BICD1: variants seen among roughly 807,000 people sequenced by gnomAD.
The protein encoded by BICD1 is protein bicaudal D homolog 1.
BICD1 carries 35 observed loss-of-function variants against 92.5 expected under a neutral mutation model. That is an observed-to-expected ratio of 0.38 (90% CI 0.29 to 0.50). BICD1 has a LOEUF of 0.50. BICD1 is among the 20% of genes least tolerant of loss of function. The probability of loss-of-function intolerance (pLI) is 0.93; values close to 1 mark genes in which losing one functional copy is unlikely to be tolerated. For synonymous variants in BICD1, 429 were observed against 465.1 expected, an observed-to-expected ratio of 0.92 and a Z score of 1.00; for missense variants, 950 against 1,189.8, an observed-to-expected ratio of 0.80 and a Z score of 2.97.
At chr12:32,117,819 C>T (rs1207347805) in intron 1 of BICD1, among the ~76,000 whole-genome samples, 7 of 148,550 alleles carry the variant, frequency 4.7e-5, no homozygotes, top group Admixed American at 4.1e-4. Context: ...GGCATGATCT[C>T]AGCTCACCGC....
chr12:32,341,595 T>C (rs535142772), intron 8 of BICD1, among the ~76,000 whole-genome samples: 2 of 152,208 alleles, frequency 1.3e-5, no homozygotes, highest in African/African-American at 4.8e-5. Context: ...AAAGTTAAAA[T>C]AATAAAAGAG....
chr12:32,216,264 C>T lies in BICD1; in HGVS notation c.231C>T (p.Phe77=). The T allele has an allele frequency of 1.2e-6, 2 of 1,613,750 alleles. No homozygotes were observed. Among genetic ancestry groups the T allele is most frequent in the Non-Finnish European group, 1.7e-6 (2 of 1,179,950 alleles). ...EQLKEAFGQS[F]SIHRKVAEDG... is the part of the protein sequence containing the mutation. ...CTCTGCAGGCATTTGGGCAGTCCTTCTCCATCCACCGGAAGGTTGCTGAAG... is the reference window on the plus strand; with the variant it reads ...CTCTGCAGGCATTTGGGCAGTCCTTTTCCATCCACCGGAAGGTTGCTGAAG... Residue 77 remains phenylalanine (F), a synonymous_variant, in exon 2 of 10, where the codon TTC becomes TTT. Coordinates refer to ENST00000652176, the MANE Select transcript of BICD1 (RefSeq NM_001714.4).
intron 3 of BICD1, among the ~76,000 whole-genome samples, chr12:32,298,814 G>C (rs1473262425): frequency 7.0e-6 from 1 of 141,936 alleles, no homozygotes; most frequent in Admixed American, 7.2e-5. Context: ...AGATTGCAGT[G>C]AGCCGAGATC....
chr12:32,357,389 C>G (rs73303933), intron 8 of BICD1, among the ~76,000 whole-genome samples: 2 of 152,164 alleles, frequency 1.3e-5, no homozygotes, highest in African/African-American at 4.8e-5. Context: ...TGAATTAAAA[C>G]TTTTTAATTC....
At chr12:32,296,350 T>C (rs1009752154) in intron 3 of BICD1, among the ~76,000 whole-genome samples, 23 of 144,852 alleles carry the variant, frequency 1.6e-4, no homozygotes, top group African/African-American at 5.9e-4. Flanking sequence ...CTCTGCCTCC[T>C]GGGTTCAAGC....
intron 1 of BICD1, among the ~76,000 whole-genome samples, chr12:32,142,453 C>CCTATCTATCTATCCTATCTAT (rs772125865): frequency 0.12 from 13,789 of 112,794 alleles, 825 homozygotes; most frequent in Middle Eastern, 0.17. Context: ...ACCTATCTAT[C>CCTATCTATCTATCCTATCTAT]CTATCTATCT....
intron 2 of BICD1, among the ~76,000 whole-genome samples, chr12:32,263,834 G>C (rs910062379): frequency 3.3e-5 from 5 of 152,164 alleles, no homozygotes; most frequent in African/African-American, 1.2e-4. Context: ...GCGAGGGATT[G>C]TTCTACACGT....
intron 2 of BICD1, among the ~76,000 whole-genome samples, chr12:32,226,211 T>C (rs1335588828): frequency 1.3e-5 from 2 of 152,186 alleles, no homozygotes; most frequent in Non-Finnish European, 2.9e-5. Context: ...CTCGGCTCAC[T>C]GCAGCCTCCA....
At chr12:32,310,895 A>C (rs561552682) in intron 4 of BICD1, among the ~76,000 whole-genome samples, 2 of 152,346 alleles carry the variant, frequency 1.3e-5, no homozygotes, top group African/African-American at 4.8e-5. Context: ...CTTTGAAAAC[A>C]GTATACCTAG....
chr12:32,276,988 C>T (rs762910758), intron 2 of BICD1, among the ~76,000 whole-genome samples: 1 of 152,120 alleles, frequency 6.6e-6, no homozygotes, highest in African/African-American at 2.4e-5. Flanking sequence ...CAACTCTGGA[C>T]GTCCCCCCCT....
intron 8 of BICD1, among the ~76,000 whole-genome samples, chr12:32,344,446 G>T (rs532639069): frequency 6.6e-6 from 1 of 152,272 alleles, no homozygotes; most frequent in South Asian, 2.1e-4. Context: ...AATAGGATCA[G>T]ATTTTCATTT....
intron 1 of BICD1, among the ~76,000 whole-genome samples, chr12:32,130,364 C>T (rs556242439): frequency 2.0e-4 from 30 of 152,208 alleles, no homozygotes; most frequent in African/African-American, 5.3e-4. Flanking sequence ...CCACCGCGCT[C>T]GGCTAACTTT....
chr12:32,376,877 G>A (rs200328110), intron 9 of BICD1, among the ~76,000 whole-genome samples: 407 of 12,000 alleles, frequency 0.034, no homozygotes, highest in African/African-American at 0.076. Context: ...AAAAAAAAAA[G>A]GGGGGGGGGG....
At chr12:32,221,640 C>T (rs1475412852) in intron 2 of BICD1, among the ~76,000 whole-genome samples, 1 of 151,736 alleles carries the variant, frequency 6.6e-6, no homozygotes, top group Non-Finnish European at 1.5e-5. Context: ...AAGATTGCGC[C>T]ACTGTACTCC....
chr12:32,168,732 G>A (rs904434205), intron 1 of BICD1, among the ~76,000 whole-genome samples: 1 of 152,182 alleles, frequency 6.6e-6, no homozygotes, highest in East Asian at 1.9e-4. Flanking sequence ...CACTCTGGGA[G>A]GCCAAGGCAG....
chr12:32,302,379 G>A (rs903520828), intron 3 of BICD1, among the ~76,000 whole-genome samples: 9 of 152,102 alleles, frequency 5.9e-5, no homozygotes, highest in African/African-American at 1.9e-4. Flanking sequence ...GTCTGAATTG[G>A]TGGAAGGGAC....
At position 32,334,515 on chromosome 12, in the gene BICD1, G is replaced by C; in HGVS notation, c.2101-1G>C. 1 of 1,605,544 alleles carries C rather than the reference G, an allele frequency of 6.2e-7. No individual in the cohort carries two copies. The highest frequency in any genetic ancestry group is 8.5e-7 in the Non-Finnish European group (1 of 1,176,384). On this transcript the variant is annotated splice_acceptor_variant, in intron 5 of 9. Transcript: ENST00000652176. LOFTEE classifies it high-confidence loss of function. ...GTAAGCAGTGTGATTTTCTGCTTTA[G>C]ACAGCTGAGGTGGCGCTAGCTAATC...
chr12:32,334,786 T>G, intron 6 of BICD1, 119 bp downstream of exon 6: 1 of 1,138,690 alleles, frequency 8.8e-7, no homozygotes, highest in Non-Finnish European at 1.2e-6. Context: ...TGGCTAAGTG[T>G]GAAGAAAATC....
chr12:32,257,193 C>T (rs1213831295), intron 2 of BICD1, among the ~76,000 whole-genome samples: 2 of 107,816 alleles, frequency 1.9e-5, no homozygotes, highest in Non-Finnish European at 3.4e-5. Flanking sequence ...AGCCTGGTGA[C>T]AGAGGGAGAC....
Sources: allele counts gnomAD v4.1 joint callset (sites outside exome capture counted in the v4.1 genomes callset), GRCh38; gene constraint gnomAD v4.1.1; transcripts MANE v1.5; gene names NCBI Gene and HGNC (gene_info 2026-07-23, HGNC 2026-07-21).